Variants in FBXO11 observed in about 807,000 individuals in gnomAD.
The protein encoded by FBXO11 is F-box only protein 11.
A neutral mutation model predicts 117.0 loss-of-function variants in FBXO11; 13 were observed. The ratio of observed to expected loss-of-function variants is 0.11; its 90% confidence interval spans 0.07 to 0.18. The LOEUF (loss-of-function observed/expected upper bound fraction) is 0.18. Ranked by LOEUF, FBXO11 falls within the 10% of genes least tolerant of loss-of-function variation. FBXO11 has a pLI of 1.00. For missense variants in FBXO11, 767 were observed against 1,164.4 expected (o/e 0.66, Z 4.97); for synonymous variants, 490 against 380.5 (o/e 1.29, Z -3.35).
chr2:47,849,030 T>C (rs1673637741), intron 1 of FBXO11, among the ~76,000 whole-genome samples: 1 of 152,212 alleles, frequency 6.6e-6, no homozygotes, highest in East Asian at 1.9e-4. Context: ...ATTGGAAACT[T>C]AGGCAAATCT....
At chr2:47,825,718 G>T (rs1244862886) in intron 11 of FBXO11, among the ~76,000 whole-genome samples, 1 of 151,774 alleles carries the variant, frequency 6.6e-6, no homozygotes, top group Non-Finnish European at 1.5e-5. Flanking sequence ...CTGAGACCAC[G>T]GGTGCATGGC....
intron 11 of FBXO11, among the ~76,000 whole-genome samples, chr2:47,830,151 A>G (rs1672074321): frequency 6.6e-6 from 1 of 152,248 alleles, no homozygotes; most frequent in African/African-American, 2.4e-5. Context: ...ACAATACATC[A>G]GCAAAAGCCA....
chr2:47,836,166 C>T (rs918639589), intron 4 of FBXO11, among the ~76,000 whole-genome samples, 165 bp from the exon 5 acceptor site: 5 of 152,006 alleles, frequency 3.3e-5, no homozygotes, highest in African/African-American at 1.2e-4. Flanking sequence ...GAGACACAGT[C>T]TCACTGTCAT....
At chr2:47,887,093 C>T (rs1428033355) in intron 1 of FBXO11, among the ~76,000 whole-genome samples, 1 of 151,978 alleles carries the variant, frequency 6.6e-6, no homozygotes, top group Non-Finnish European at 1.5e-5. Flanking sequence ...CAAGACCTGC[C>T]TGACCAACAT....
chr2:47,884,416 T>C (rs1558471826), intron 1 of FBXO11, among the ~76,000 whole-genome samples: 1 of 152,202 alleles, frequency 6.6e-6, no homozygotes, highest in Non-Finnish European at 1.5e-5. Flanking sequence ...TCAGTAAGTA[T>C]ATTTAAACTA....
chr2:47,892,762 T>A (rs1677351892), intron 1 of FBXO11, among the ~76,000 whole-genome samples: 1 of 152,302 alleles, frequency 6.6e-6, no homozygotes, highest in East Asian at 1.9e-4. Context: ...AAACAATGAA[T>A]GTAACAGCCA....
intron 1 of FBXO11, among the ~76,000 whole-genome samples, chr2:47,904,797 T>C (rs13035558): frequency 0.24 from 36,215 of 151,894 alleles, 4,822 homozygotes; most frequent in Admixed American, 0.34. Context: ...CGATGGATTC[T>C]ATATTTATTT....
At chr2:47,877,225 G>A (rs1183557621) in intron 1 of FBXO11, among the ~76,000 whole-genome samples, 1 of 151,938 alleles carries the variant, frequency 6.6e-6, no homozygotes, top group Non-Finnish European at 1.5e-5. Context: ...ATGAGGTTTT[G>A]CTATGTTGCC....
At chr2:47,859,335 A>T (rs763394581) in intron 1 of FBXO11, among the ~76,000 whole-genome samples, 2 of 152,210 alleles carry the variant, frequency 1.3e-5, no homozygotes, top group African/African-American at 2.4e-5. Flanking sequence ...GGATTTAGAG[A>T]ACTTGTGCCA....
Position 47,809,968 on chromosome 2 carries a change from A to G in FBXO11, c.2339-261T>C. The G allele has an allele frequency of 6.0e-6, 3 of 497,568 alleles. No homozygotes were observed. The South Asian group carries it at 9.5e-5, about 16-fold the overall frequency. 30.8% of individuals were successfully genotyped at this position (497,568 alleles called of 1,614,324 possible). A position where few individuals can be genotyped will look rare whatever the true frequency, so the allele number is the denominator to read the frequency against. On this transcript the variant is annotated intron_variant, in intron 19 of 22. Transcript: ENST00000403359. ...TACATGATACTTGGATTTCATTTGC[A>G]TCCATTTTAACATCTCTTTTTCTGT... is the stretch of plus-strand genomic sequence containing the variant.
intron 1 of FBXO11, among the ~76,000 whole-genome samples, chr2:47,863,699 C>G (rs767427454): frequency 3.3e-5 from 5 of 152,130 alleles, no homozygotes; most frequent in Non-Finnish European, 7.4e-5. Context: ...TGCCTATAAT[C>G]CCTGCCTACG....
At chr2:47,834,504 C>T (rs1307807370) in intron 7 of FBXO11, 75 bp downstream of exon 7, 7 of 1,140,646 alleles carry the variant, frequency 6.1e-6, no homozygotes, top group African/African-American at 1.6e-5. Context: ...GATTTTAAGT[C>T]ACTAGCATTT....
At position 47,829,858 on chromosome 2, in the gene FBXO11, T is replaced by C. The variant is rs148162008; in HGVS notation, c.1398+2491A>G. On this transcript the variant is annotated intron_variant, in intron 11 of 22. Coordinates refer to ENST00000403359, the MANE Select transcript of FBXO11 (RefSeq NM_001190274.2). ...TTAAACAAAATTGGCCATGAAATGA[T>C]AGTTGTTGAAGGCAGACAATAGGTA... is the stretch of plus-strand genomic sequence containing the variant. Among the ~76,000 whole-genome samples the C allele has an allele frequency of 1.4e-4, 21 of 152,198 alleles. 1 individual carries two copies. Among genetic ancestry groups the C allele is most frequent in the African/African-American group, 4.8e-4 (20 of 41,542 alleles).
intron 1 of FBXO11, among the ~76,000 whole-genome samples, chr2:47,856,191 T>A (rs1483253257): frequency 6.6e-6 from 1 of 152,202 alleles, no homozygotes. Context: ...CAGTGATATG[T>A]GGATCTCAAA....
At chr2:47,847,198 T>A (rs150174619) in intron 1 of FBXO11, among the ~76,000 whole-genome samples, 1 of 152,106 alleles carries the variant, frequency 6.6e-6, no homozygotes, top group Non-Finnish European at 1.5e-5. Flanking sequence ...TGAGCCGACA[T>A]TGTGCAACTG....
chr2:47,808,181 A>G lies in FBXO11; in HGVS notation c.2721T>C (p.His907=). 1 of 1,613,568 alleles carries G rather than the reference A, an allele frequency of 6.2e-7. No individual in the cohort carries two copies. The highest frequency in any genetic ancestry group is 8.5e-7 in the Non-Finnish European group (1 of 1,179,872). Residue 907 remains histidine, a synonymous_variant, in exon 23 of 23, where the codon CAT becomes CAC. Coordinates refer to ENST00000403359, the MANE Select transcript of FBXO11 (RefSeq NM_001190274.2). Reference sequence around the variant, plus strand: ...CAGAGTCATATAGTGTATCTGTATCATGTGTAGGCTCACCAGCTAATGTAC... The same window carrying G: ...CAGAGTCATATAGTGTATCTGTATCGTGTGTAGGCTCACCAGCTAATGTAC... The part of the protein sequence containing the change: ...NPCTLAGEPT[H]DTDTLYDSAP...
intron 11 of FBXO11, among the ~76,000 whole-genome samples, chr2:47,826,136 G>A (rs1671739266): frequency 6.6e-6 from 1 of 151,960 alleles, no homozygotes; most frequent in Non-Finnish European, 1.5e-5. Flanking sequence ...TCGGCTCACT[G>A]CAACCTCCAT....
intron 1 of FBXO11, among the ~76,000 whole-genome samples, chr2:47,858,037 T>A (rs936002656): frequency 1.3e-5 from 2 of 152,104 alleles, no homozygotes; most frequent in African/African-American, 4.8e-5. Flanking sequence ...AATATCTTTT[T>A]AAAAAAATCA....
rs755188073 is a variant in FBXO11 at position 47,806,983 on chromosome 2, AAACCCTTTT to A, written c.*1126_*1134del. ...TTTTCCATTTTCTTTCTAGGAAATT[AAACCCTTTT>A]AATTCTTATCTACCTTCTACATAAT... On this transcript the variant is annotated 3_prime_UTR_variant, in exon 23 of 23. Coordinates refer to ENST00000403359, the MANE Select transcript of FBXO11 (RefSeq NM_001190274.2). The A allele has an allele frequency of 5.2e-5, 40 of 773,904 alleles. No individual in the cohort carries two copies. The highest frequency in any genetic ancestry group is 8.3e-5 in the Non-Finnish European group (38 of 455,110). The allele number at this position is 773,904 out of a possible 1,614,324, so 47.9% of individuals were successfully genotyped here. A position where few individuals can be genotyped will look rare whatever the true frequency, so the allele number is the denominator to read the frequency against.
Sources: gnomAD v4.1 joint callset for allele counts (sites outside exome capture counted in the v4.1 genomes callset) on GRCh38, gnomAD v4.1.1 for gene constraint, MANE v1.5 for transcripts, NCBI Gene and HGNC (gene_info 2026-07-23, HGNC 2026-07-21) for gene names.